ADAMTS7: variants seen among roughly 807,000 people sequenced by gnomAD.
The protein encoded by ADAMTS7 is A disintegrin and metalloproteinase with thrombospondin motifs 7.
In ADAMTS7, 89 loss-of-function variants were observed where a neutral mutation model predicts 172.6. The ratio of observed to expected loss-of-function variants is 0.52; its 90% CI spans 0.43 to 0.61. The LOEUF is 0.61. ADAMTS7 is among the 20% of genes least tolerant of loss of function. The probability of loss-of-function intolerance (pLI) is 0.00; values close to 1 mark genes in which losing one functional copy is unlikely to be tolerated. For synonymous variants in ADAMTS7, 885 were observed against 978.4 expected (o/e 0.90, Z 1.78); for missense variants, 1,973 against 2,355.6 (o/e 0.84, Z 3.36).
Position 78,764,658 on chromosome 15 carries a change from C to G in ADAMTS7, c.4316G>C (p.Ser1439Thr). 1 of 1,575,552 alleles carries G rather than the reference C, an allele frequency of 6.3e-7. No homozygotes were observed. Among genetic ancestry groups the G allele is most frequent in the Admixed American group, 1.8e-5 (1 of 56,256 alleles). ...GGCGCAGTCCTCATCCCGGCCGGAG[C>G]TACAGCGCACCGGCCTCCAGACCGC... ...LGAVWRPVRC[S>T]SGRDEDCAPA... Residue 1439 changes from serine (S) to threonine (T), a missense_variant, in exon 20 of 24, where the codon AGC becomes ACC. Ser to Thr is a moderately conservative substitution (Grantham distance 58, BLOSUM62 1). Transcript: ENST00000388820.
rs749916040 is a variant in ADAMTS7 at position 78,788,288 on chromosome 15, T to G, written c.1265A>C (p.Asp422Ala). 2 of 1,613,628 alleles carry G rather than the reference T, an allele frequency of 1.2e-6. No individual in the cohort carries two copies. The highest frequency in any genetic ancestry group is 4.5e-5 in the East Asian group (2 of 44,880). Residue 422 changes from aspartate to alanine, a missense_variant, in exon 8 of 24, where the codon GAC becomes GCC. Transcript: ENST00000388820. ...PFIMSPQLLY[D>A]AAPLTWSRCS... ...GCGGGACCAGGTGAGGGGAGCGGCGTCGTACAGGAGCTGTGGAGACATGAT... is the reference window on the plus strand; with the variant it reads ...GCGGGACCAGGTGAGGGGAGCGGCGGCGTACAGGAGCTGTGGAGACATGAT...
intron 8 of ADAMTS7, among the ~76,000 whole-genome samples, chr15:78,787,179 C>A (rs1049542286): frequency 6.6e-6 from 1 of 151,980 alleles, no homozygotes; most frequent in African/African-American, 2.4e-5. Context: ...CATGGATTTT[C>A]AATTGCACAG....
At chr15:78,761,915 C>T (rs2055049765) in intron 23 of ADAMTS7, 2 of 985,364 alleles carry the variant, frequency 2.0e-6, no homozygotes, top group Non-Finnish European at 2.4e-6. Context: ...AACCCCATTA[C>T]CTCATTAGCA....
chr15:78,804,543 C>T (rs1210561188), intron 1 of ADAMTS7, among the ~76,000 whole-genome samples: 1 of 152,212 alleles, frequency 6.6e-6, no homozygotes, highest in African/African-American at 2.4e-5. Flanking sequence ...CTGCCCAGCC[C>T]GAAGCTCCAT....
In ADAMTS7 at chr15:78,759,571, C is replaced by T. The variant is rs376928338; in HGVS notation, c.4911G>A (p.Glu1637=). 8.8e-5 allele frequency: 140 copies of T among 1,585,118 alleles called. No homozygotes were observed. In the African/African-American group the frequency reaches 1.4e-3, roughly 15 times the overall value. The change falls in exon 24 of 24, where the codon GAG becomes GAA. Residue 1637 remains glutamate, a synonymous_variant. Transcript: ENST00000388820. ...AGAACCCGAAGGACAGGCGGTCCCG[C>T]TCACAGCCTGGAGTGGGGGGGCAGA... The part of the protein sequence containing the change: ...DCEPVEPPRC[E]RDRLSFGFCE...
chr15:78,773,724 A>G (rs1596181901), intron 13 of ADAMTS7, among the ~76,000 whole-genome samples: 1 of 152,162 alleles, frequency 6.6e-6, no homozygotes, highest in African/African-American at 2.4e-5. Flanking sequence ...CCACACACTG[A>G]GGGCTACTCT....
Position 78,800,302 on chromosome 15 carries a change from G to GGCCGCCGC in ADAMTS7, c.338_345dup (p.Leu116AlafsTer40), listed in dbSNP as rs769742506. On this transcript the variant is annotated frameshift_variant, in exon 2 of 24. Transcript: ENST00000388820. LOFTEE classifies it high-confidence loss of function. Reference sequence around the variant, plus strand: ...TGGGCCCGGATGTGCGCGCGGCCCAGGCCGCCGCGCCGCCGCGTCTCGCTC... The same window carrying GGCCGCCGC: ...TGGGCCCGGATGTGCGCGCGGCCCAGGCCGCCGCGCCGCCGCGCCGCCGCGTCTCGCTC... 7 of 1,590,366 alleles carry GGCCGCCGC rather than the reference G, an allele frequency of 4.4e-6. No individual in the cohort carries two copies. Among genetic ancestry groups the GGCCGCCGC allele is most frequent in the East Asian group, 2.3e-5 (1 of 44,398 alleles).
intron 1 of ADAMTS7, among the ~76,000 whole-genome samples, chr15:78,801,309 A>G (rs1325802817): frequency 6.6e-6 from 1 of 152,082 alleles, no homozygotes; most frequent in Admixed American, 6.5e-5. Flanking sequence ...CCAGCTACAC[A>G]GCCTTAGTTC....
At chr15:78,802,927 G>A (rs533897669) in intron 1 of ADAMTS7, among the ~76,000 whole-genome samples, 3 of 152,158 alleles carry the variant, frequency 2.0e-5, no homozygotes, top group African/African-American at 7.2e-5. Flanking sequence ...AACCTGGGAG[G>A]TGGAGGTTGT....
chr15:78,760,060 A>G (rs12441684), intron 23 of ADAMTS7, among the ~76,000 whole-genome samples: 6,210 of 150,454 alleles, frequency 0.041, 166 homozygotes, highest in East Asian at 0.069. Context: ...CTCCAGCCAC[A>G]GGGGCTGTAC....
rs535326928 is a variant in ADAMTS7 at position 78,794,362 on chromosome 15, C to G, written c.819+2228G>C. Among the ~76,000 whole-genome samples the G allele has an allele frequency of 5.9e-5, 9 of 152,360 alleles. No homozygotes were observed. In the East Asian group the frequency reaches 1.7e-3, roughly 29 times the overall value. ...AGCCCTAACCCACCAGGGCCTTAGGCCGTGGCTCCACAGTCCAGGCTTCCT... is the reference window on the plus strand; with the variant it reads ...AGCCCTAACCCACCAGGGCCTTAGGGCGTGGCTCCACAGTCCAGGCTTCCT... On this transcript the variant is annotated intron_variant, in intron 4 of 23. Coordinates refer to ENST00000388820, the MANE Select transcript of ADAMTS7 (RefSeq NM_014272.5).
At position 78,767,525 on chromosome 15, in the gene ADAMTS7, C is replaced by T. The variant is rs745940740; in HGVS notation, c.2713G>A (p.Val905Met). The change falls in exon 18 of 24, where the codon GTG becomes ATG. Residue 905 changes from valine to methionine, a missense_variant. Around this residue, in one of 8 missense-constraint regions of ADAMTS7, gnomAD observed 771 missense variants for 952.6 expected, o/e 0.81. Transcript: ENST00000388820. ...CGPGGLSRRA[V>M]LCIRSVGLDE... is the part of the protein sequence containing the mutation. ...AGCCCCACGCTGCGGATGCAGAGCACGGCCCGGCGGGAGAGGCCCCCAGGC... is the reference window on the plus strand; with the variant it reads ...AGCCCCACGCTGCGGATGCAGAGCATGGCCCGGCGGGAGAGGCCCCCAGGC... 1.1e-5 allele frequency: 17 copies of T among 1,595,932 alleles called. No individual in the cohort carries two copies. The highest frequency in any genetic ancestry group is 4.0e-5 in the African/African-American group (3 of 74,642).
intron 8 of ADAMTS7, among the ~76,000 whole-genome samples, chr15:78,781,498 C>T (rs976752020): frequency 1.1e-4 from 17 of 152,162 alleles, no homozygotes; most frequent in South Asian, 4.1e-4. Flanking sequence ...TGGTTCTCCC[C>T]GGTGCCAAGG....
Position 78,798,017 on chromosome 15 carries a change from T to G in ADAMTS7, c.553A>C (p.Lys185Gln). 2 of 1,582,048 alleles carry G rather than the reference T, an allele frequency of 1.3e-6. No individual in the cohort carries two copies. Among genetic ancestry groups the G allele is most frequent in the Non-Finnish European group, 1.7e-6 (2 of 1,168,184 alleles). Residue 185 changes from lysine to glutamine, a missense_variant, in exon 3 of 24, where the codon AAG (lysine) becomes CAG (glutamine). Around this residue, in one of 8 missense-constraint regions of ADAMTS7, gnomAD observed 306 missense variants for 288.0 expected, o/e 1.06. Coordinates refer to ENST00000388820, the MANE Select transcript of ADAMTS7 (RefSeq NM_014272.5). ...PGHAQPHVVY[K>Q]RQAPERLAQR... ...GCCAGCCTCTCCGGGGCCTGACGCT[T>G]GTACACCACATGGGGCTGGGCGTGG...
At chr15:78,796,563 A>G (rs748211999) in intron 4 of ADAMTS7, 27 bp downstream of exon 4, 3 of 1,387,602 alleles carry the variant, frequency 2.2e-6, no homozygotes, top group Middle Eastern at 1.9e-4. Context: ...CATCCCCGCC[A>G]CCCGCTCCTG....
chr15:78,781,153 G>A lies in ADAMTS7; in HGVS notation c.1323-3565C>T, dbSNP rs76205074. Among the ~76,000 whole-genome samples the A allele has an allele frequency of 0.029, 4,357 of 152,256 alleles. 566 individuals carry two copies. In the East Asian group the frequency reaches 0.37, roughly 13 times the overall value. ...GAGGGTGGTCTGTGAGTGCCTCTGCGACGCCCCCAAGTCCTAGAAACACTG... is the reference window on the plus strand; with the variant it reads ...GAGGGTGGTCTGTGAGTGCCTCTGCAACGCCCCCAAGTCCTAGAAACACTG... On this transcript the variant is annotated intron_variant, in intron 8 of 23. Coordinates refer to ENST00000388820, the MANE Select transcript of ADAMTS7 (RefSeq NM_014272.5).
chr15:78,783,036 GA>G (rs1596189784), intron 8 of ADAMTS7, among the ~76,000 whole-genome samples: 3 of 152,162 alleles, frequency 2.0e-5, no homozygotes, highest in East Asian at 1.9e-4. Flanking sequence ...CGCCAAGCTG[GA>G]ATGCTGCAGC....
chr15:78,783,533 C>T (rs980886810), intron 8 of ADAMTS7, among the ~76,000 whole-genome samples: 2 of 152,126 alleles, frequency 1.3e-5, no homozygotes, highest in Admixed American at 1.3e-4. Context: ...CTGCCTTAGC[C>T]TCCCAAAGTG....
chr15:78,766,433 C>G lies in ADAMTS7; in HGVS notation c.3478G>C (p.Glu1160Gln), dbSNP rs990721956. The G allele has an allele frequency of 6.3e-7, 1 of 1,582,852 alleles. No homozygotes were observed. The highest frequency in any genetic ancestry group is 8.6e-7 in the Non-Finnish European group (1 of 1,167,042). Reference protein sequence around the residue: ...GNPLINFLPEEDTPIGAPDLG... With the variant: ...GNPLINFLPEQDTPIGAPDLG... ...TCTGGGGCCCCTATGGGGGTGTCTT[C>G]CTCAGGCAGGAAATTGATCAAAGGG... Residue 1160 changes from glutamate (E) to glutamine (Q), a missense_variant, in exon 19 of 24, where the codon GAA (glutamate) becomes CAA (glutamine). Physicochemically the swap from Glu to Gln is conservative, Grantham distance 29 (BLOSUM62 2). Transcript: ENST00000388820.
Sources: allele counts gnomAD v4.1 joint callset (sites outside exome capture counted in the v4.1 genomes callset), GRCh38; gene constraint gnomAD v4.1.1; regional missense constraint gnomAD v4.1.1; transcripts MANE v1.5; gene names NCBI Gene and HGNC (gene_info 2026-07-23, HGNC 2026-07-21).